Variants in ARHGAP8 observed in about 807,000 individuals in gnomAD.
ARHGAP8 encodes rho GTPase-activating protein 8.
A neutral mutation model predicts 46.1 loss-of-function variants in ARHGAP8; 62 were observed. The ratio of observed to expected loss-of-function variants is 1.34; its 90% confidence interval spans 1.10 to 1.66. The LOEUF is 1.66. Ranked by LOEUF, ARHGAP8 falls within the 40% of genes most tolerant of loss-of-function variation. ARHGAP8 has a pLI of 0.00. For synonymous variants in ARHGAP8, 375 were observed against 243.1 expected (o/e 1.54, Z -5.05); for missense variants, 923 against 568.4 (o/e 1.62, Z -6.34).
At chr22:44,795,781 C>T (rs1000622872) in intron 2 of ARHGAP8, among the ~76,000 whole-genome samples, 1 of 152,154 alleles carries the variant, frequency 6.6e-6, no homozygotes, top group African/African-American at 2.4e-5. Context: ...TGTTCTCCCA[C>T]CAGGCCTCCC....
rs973376478 is a variant in ARHGAP8, at chr22:44,776,222, G to A, written c.-71-10235G>A. Among the ~76,000 whole-genome samples, 9 of 152,118 alleles carry A rather than the reference G, an allele frequency of 5.9e-5. No individual in the cohort carries two copies. In the East Asian group the frequency reaches 7.7e-4, roughly 13 times the overall value. ...TCTCAGCACTTTTGGAGGCTGAGGC[G>A]GGTGGATCACCTGAGTTCAGGAGTT... On this transcript the variant is annotated intron_variant, in intron 1 of 11. Coordinates refer to ENST00000356099, the MANE Select transcript of ARHGAP8 (RefSeq NM_181335.3).
chr22:44,761,721 TTTACGCTGCTG>T (rs1368971927), intron 1 of ARHGAP8, among the ~76,000 whole-genome samples: 1 of 152,156 alleles, frequency 6.6e-6, no homozygotes, highest in African/African-American at 2.4e-5. Context: ...TTAGTCAATT[TTTACGCTGCTG>T]ATAAAGACAC....
intron 2 of ARHGAP8, among the ~76,000 whole-genome samples, chr22:44,787,533 C>T (rs1034271304): frequency 2.4e-4 from 37 of 152,050 alleles, no homozygotes; most frequent in African/African-American, 4.8e-5. Flanking sequence ...TTAGTAGAGA[C>T]GGGGTTTCGC....
intron 4 of ARHGAP8, among the ~76,000 whole-genome samples, chr22:44,811,669 G>A (rs1008026096): frequency 2.0e-5 from 3 of 152,172 alleles, no homozygotes; most frequent in African/African-American, 7.2e-5. Flanking sequence ...AATGTCTGCA[G>A]GGGTGCTGAG....
chr22:44,856,000 G>A (rs542388970), intron 10 of ARHGAP8, among the ~76,000 whole-genome samples: 6 of 152,226 alleles, frequency 3.9e-5, no homozygotes, highest in African/African-American at 9.6e-5. Flanking sequence ...CACGCAGTGC[G>A]AGTGGGAGCA....
At chr22:44,830,396 A>T (rs1172934674) in intron 7 of ARHGAP8, among the ~76,000 whole-genome samples, 1 of 151,714 alleles carries the variant, frequency 6.6e-6, no homozygotes, top group African/African-American at 2.4e-5. Flanking sequence ...CAGTGGCACA[A>T]TCTTGGCTCA....
intron 1 of ARHGAP8, among the ~76,000 whole-genome samples, chr22:44,763,491 CAAAAAAAAA>C (rs370437700): frequency 1.3e-5 from 1 of 78,510 alleles, no homozygotes; most frequent in East Asian, 3.7e-4. Flanking sequence ...GACTCTGTCT[CAAAAAAAAA>C]AAAAAAAAAA....
intron 7 of ARHGAP8, among the ~76,000 whole-genome samples, chr22:44,844,191 T>C (rs1291267658): frequency 6.6e-6 from 1 of 152,134 alleles, no homozygotes; most frequent in Non-Finnish European, 1.5e-5. Context: ...AGGCTAGGCT[T>C]GAACTCCTGA....
rs115325670 is a variant in ARHGAP8 at position 44,844,281 on chromosome 22, A to G, written c.597-988A>G. On this transcript the variant is annotated intron_variant, in intron 7 of 11. Transcript: ENST00000356099. ...TACTGTGCCCGGCCACATCTAATAT[A>G]TTAATAGAGGGATAAAATGAAGTCC... Among the ~76,000 whole-genome samples, 1,044 of 152,190 alleles carry G rather than the reference A, an allele frequency of 6.9e-3. 15 individuals carry two copies. The highest frequency in any genetic ancestry group is 0.024 in the African/African-American group (994 of 41,552).
At chr22:44,860,838 T>C (rs1011673785) in intron 11 of ARHGAP8, among the ~76,000 whole-genome samples, 1 of 152,018 alleles carries the variant, frequency 6.6e-6, no homozygotes, top group Non-Finnish European at 1.5e-5. Flanking sequence ...CCCCTCCATC[T>C]CTCCAGGCCT....
intron 7 of ARHGAP8, among the ~76,000 whole-genome samples, chr22:44,834,649 T>C (rs1477601278): frequency 6.6e-6 from 1 of 152,198 alleles, no homozygotes; most frequent in African/African-American, 2.4e-5. Context: ...TTCAGTCTTC[T>C]GTTTCTCTGT....
rs1379956619 is a variant in ARHGAP8 at position 44,759,209 on chromosome 22, C to T, written c.-72+6582C>T. ...CCAAGTCCCTGCTCGTGTCCCCAGCCCCGGGTTGGCTGAGTGCAGAGACTC... is the reference window on the plus strand; with the variant it reads ...CCAAGTCCCTGCTCGTGTCCCCAGCTCCGGGTTGGCTGAGTGCAGAGACTC... On this transcript the variant is annotated intron_variant, in intron 1 of 11. Transcript: ENST00000356099. Among the ~76,000 whole-genome samples, 4 of 152,152 alleles carry T rather than the reference C, an allele frequency of 2.6e-5. No homozygotes were observed. In the East Asian group the frequency reaches 5.8e-4, roughly 22 times the overall value.
intron 7 of ARHGAP8, among the ~76,000 whole-genome samples, chr22:44,827,979 C>T (rs987789471): frequency 2.0e-5 from 3 of 152,168 alleles, no homozygotes; most frequent in Non-Finnish European, 2.9e-5. Context: ...AGCCAGTGCT[C>T]GCGTGCGGCT....
At chr22:44,811,314 C>T (rs1335043568) in intron 4 of ARHGAP8, among the ~76,000 whole-genome samples, 3 of 152,342 alleles carry the variant, frequency 2.0e-5, no homozygotes, top group South Asian at 4.1e-4. Context: ...GGTAACGGCA[C>T]CAGCCCGGGG....
intron 2 of ARHGAP8, among the ~76,000 whole-genome samples, chr22:44,792,675 T>G (rs1043723778): frequency 1.3e-5 from 2 of 152,170 alleles, no homozygotes; most frequent in Non-Finnish European, 2.9e-5. Flanking sequence ...GACCAACATC[T>G]GGAACCACAG....
At chr22:44,804,902 C>G (rs1928828002) in intron 3 of ARHGAP8, among the ~76,000 whole-genome samples, 1 of 152,198 alleles carries the variant, frequency 6.6e-6, no homozygotes, top group Non-Finnish European at 1.5e-5. Flanking sequence ...GCGACTTCCA[C>G]CAGTGCACCA....
At chr22:44,765,617 C>T (rs1925494481) in intron 1 of ARHGAP8, among the ~76,000 whole-genome samples, 1 of 152,122 alleles carries the variant, frequency 6.6e-6, no homozygotes, top group Non-Finnish European at 1.5e-5. Flanking sequence ...GCATCGGGAC[C>T]CCCTCCTGCC....
chr22:44,859,224 TG>T (rs2070344491), intron 10 of ARHGAP8, among the ~76,000 whole-genome samples: 1 of 146,774 alleles, frequency 6.8e-6, no homozygotes, highest in Admixed American at 6.8e-5. Flanking sequence ...CGTCTCATGT[TG>T]AATTGAAACT....
intron 10 of ARHGAP8, among the ~76,000 whole-genome samples, chr22:44,856,930 C>G (rs1601527829): frequency 7.1e-6 from 1 of 141,592 alleles, no homozygotes; most frequent in East Asian, 2.0e-4. Context: ...GGGAGGCTGA[C>G]TTGAGTAAGA....
Sources: gnomAD v4.1 joint callset for allele counts (sites outside exome capture counted in the v4.1 genomes callset) on GRCh38, gnomAD v4.1.1 for gene constraint, MANE v1.5 for transcripts, NCBI Gene and HGNC (gene_info 2026-07-23, HGNC 2026-07-21) for gene names.